Variants in FRYL observed in about 807,000 individuals in gnomAD.
FRYL encodes the protein protein furry homolog-like.
FRYL carries 150 observed loss-of-function variants against 351.2 expected under a neutral mutation model. That is an observed-to-expected ratio of 0.43 (90% CI 0.37 to 0.49). The LOEUF (loss-of-function observed/expected upper bound fraction) is 0.49, where lower values mean the gene tolerates loss of function less well. Ranked by LOEUF, FRYL falls within the 20% of genes least tolerant of loss-of-function variation. The pLI is 0.00. For synonymous variants in FRYL, 1,153 were observed against 1,257.1 expected (o/e 0.92, Z 1.75); for missense variants, 3,036 against 3,619.3 (o/e 0.84, Z 4.13).
chr4:48,710,783 A>C (rs1767908232), intron 1 of FRYL, 85 bp from the exon 2 acceptor site: 2 of 391,498 alleles, frequency 5.1e-6, no homozygotes, highest in South Asian at 1.4e-4. Flanking sequence ...TCCGTATATC[A>C]CTAATCAAAA....
intron 50 of FRYL, 58 bp downstream of exon 50, chr4:48,531,098 T>C: frequency 9.0e-7 from 1 of 1,107,826 alleles, no homozygotes; most frequent in Non-Finnish European, 1.4e-6. Flanking sequence ...AAAGAATGAA[T>C]AAATAAACAA....
chr4:48,714,364 T>C (rs956936894), intron 1 of FRYL, among the ~76,000 whole-genome samples: 2 of 131,842 alleles, frequency 1.5e-5, no homozygotes, highest in Non-Finnish European at 3.3e-5. Flanking sequence ...ACAAAATTGA[T>C]AGACCGCTAG....
At chr4:48,510,692 A>T (rs1277306402) in intron 58 of FRYL, 143 bp downstream of exon 58, 2 of 692,224 alleles carry the variant, frequency 2.9e-6, no homozygotes, top group South Asian at 1.7e-5. Flanking sequence ...ATATACTAGA[A>T]TTGTAGTTTG....
Position 48,626,162 on chromosome 4 carries a change from C to A in FRYL, c.121-2983G>T, listed in dbSNP as rs561546413. On this transcript the variant is annotated intron_variant, in intron 4 of 63. Coordinates refer to ENST00000358350, the MANE Select transcript of FRYL (RefSeq NM_015030.2). The stretch of plus-strand genomic sequence containing the variant: ...TTTAAAACATTAAAATAACAATATA[C>A]CTCAACAAAAACCAGGAGGTATGGA... Among the ~76,000 whole-genome samples the A allele has an allele frequency of 1.2e-3, 175 of 152,134 alleles. 1 individual carries two copies. Among genetic ancestry groups the A allele is most frequent in the African/African-American group, 4.0e-3 (165 of 41,508 alleles).
intron 1 of FRYL, among the ~76,000 whole-genome samples, chr4:48,728,506 T>C (rs1029908786): frequency 6.6e-6 from 1 of 151,644 alleles, no homozygotes; most frequent in Non-Finnish European, 1.5e-5. Context: ...ATGTCAGATA[T>C]CAAACCAGAT....
rs1393099702 is a variant in FRYL at position 48,550,609 on chromosome 4, G to A, written c.4616C>T (p.Ser1539Phe). Residue 1539 changes from serine to phenylalanine, a missense_variant, in exon 38 of 64, where the codon TCT (serine) becomes TTT (phenylalanine). By Grantham distance (155) the Ser-to-Phe change is radical (BLOSUM62 -2). This residue lies in a region of FRYL where 1,987 missense variants were observed against 2,311.7 expected (regional missense o/e 0.86). Coordinates refer to ENST00000358350, the MANE Select transcript of FRYL (RefSeq NM_015030.2). ...TTTATTACTTTTTTCTTCTTCATAAGATCCTCCAGAGCTGCTACTGTATCG... is the reference window on the plus strand; with the variant it reads ...TTTATTACTTTTTTCTTCTTCATAAAATCCTCCAGAGCTGCTACTGTATCG... ...ESRYSSSSGG[S>F]YEEEKSDSMP... 2 of 1,610,018 alleles carry A rather than the reference G, an allele frequency of 1.2e-6. No homozygotes were observed. Among genetic ancestry groups the A allele is most frequent in the Admixed American group, 3.3e-5 (2 of 59,990 alleles).
intron 1 of FRYL, among the ~76,000 whole-genome samples, chr4:48,733,466 A>C (rs1215867015): frequency 6.6e-6 from 1 of 152,018 alleles, no homozygotes; most frequent in Non-Finnish European, 1.5e-5. Flanking sequence ...AAAAATAAAA[A>C]AAGGAAAAGG....
Position 48,581,520 on chromosome 4 carries a change from G to A in FRYL, c.2072C>T (p.Ala691Val), listed in dbSNP as rs148840944. The A allele has an allele frequency of 3.8e-4, 608 of 1,613,902 alleles. 6 individuals are homozygous for A. The East Asian group carries it at 0.011, about 29-fold the overall frequency. Residue 691 changes from alanine (A) to valine (V), a missense_variant, in exon 21 of 64, where the codon GCG (alanine) becomes GTG (valine). Coordinates refer to ENST00000358350, the MANE Select transcript of FRYL (RefSeq NM_015030.2). ...SNVFHVVEGF[A>V]LVILCSSRPA... The stretch of plus-strand genomic sequence containing the variant: ...TCGACTGCTACAGAGAATGACAAGC[G>A]CAAAGCCTTCAACCACATGGAATAC...
Position 48,708,111 on chromosome 4 carries a change from C to T in FRYL, c.-204+2408G>A, listed in dbSNP as rs148408658. On this transcript the variant is annotated intron_variant, in intron 2 of 63. Coordinates refer to ENST00000358350, the MANE Select transcript of FRYL (RefSeq NM_015030.2). The stretch of plus-strand genomic sequence containing the variant: ...CTGGGATTACAGGTGTGAGCCACCA[C>T]ACCTGGCCTGTATTTCTTTTTAAGA... Among the ~76,000 whole-genome samples the T allele has an allele frequency of 1.3e-3, 196 of 151,928 alleles. 2 individuals carry two copies. In the East Asian group the frequency reaches 0.034, roughly 27 times the overall value.
intron 3 of FRYL, among the ~76,000 whole-genome samples, chr4:48,663,027 C>T (rs955437448): frequency 3.0e-4 from 46 of 152,116 alleles, no homozygotes; most frequent in African/African-American, 1.1e-3. Flanking sequence ...TGAATCTATA[C>T]AAATGAATGA....
At chr4:48,763,123 A>AC (rs1417398412) in intron 1 of FRYL, among the ~76,000 whole-genome samples, 12 of 151,172 alleles carry the variant, frequency 7.9e-5, no homozygotes, top group Admixed American at 2.0e-4. Flanking sequence ...AAAAAAAAAA[A>AC]AAAAAAGATA....
At chr4:48,516,353 T>C (rs1051125946) in intron 55 of FRYL, among the ~76,000 whole-genome samples, 2 of 152,202 alleles carry the variant, frequency 1.3e-5, no homozygotes, top group African/African-American at 4.8e-5. Context: ...GAGATATTGG[T>C]TGAATGAGCT....
At chr4:48,776,837 TG>T (rs1454420537) in intron 1 of FRYL, among the ~76,000 whole-genome samples, 3 of 152,220 alleles carry the variant, frequency 2.0e-5, no homozygotes, top group Non-Finnish European at 4.4e-5. Flanking sequence ...TATTAAAAAA[TG>T]TATTTAAAAA....
chr4:48,675,028 C>T (rs1763350344), intron 3 of FRYL, among the ~76,000 whole-genome samples: 1 of 152,162 alleles, frequency 6.6e-6, no homozygotes, highest in Non-Finnish European at 1.5e-5. Context: ...TCAGCTATGA[C>T]TTCAAGTTTC....
At chr4:48,772,724 C>T (rs1490668177) in intron 1 of FRYL, among the ~76,000 whole-genome samples, 1 of 130,882 alleles carries the variant, frequency 7.6e-6, no homozygotes, top group Non-Finnish European at 1.6e-5. Context: ...AACAAGAATT[C>T]TGAGAAGTGG....
intron 27 of FRYL, 125 bp downstream of exon 27, chr4:48,570,702 C>T: frequency 1.6e-6 from 1 of 609,372 alleles, no homozygotes; most frequent in African/African-American, 1.9e-5. Context: ...ATAATTTTCA[C>T]AGTGATACAT....
chr4:48,744,794 G>A (rs763205871), intron 1 of FRYL, among the ~76,000 whole-genome samples: 110 of 151,996 alleles, frequency 7.2e-4, no homozygotes, highest in African/African-American at 9.7e-5. Context: ...CCATATTTGC[G>A]CTATTTGCAA....
chr4:48,608,618 C>T (rs548601970), intron 9 of FRYL, among the ~76,000 whole-genome samples: 6 of 152,166 alleles, frequency 3.9e-5, no homozygotes, highest in South Asian at 2.1e-4. Flanking sequence ...GAAAACACTG[C>T]ATTGCTGAGG....
At chr4:48,526,726 A>G (rs780503179) in intron 53 of FRYL, among the ~76,000 whole-genome samples, 4 of 152,170 alleles carry the variant, frequency 2.6e-5, no homozygotes, top group Non-Finnish European at 4.4e-5. Context: ...ATTCTGGACT[A>G]GTTTTGTGGG....
Sources: allele counts gnomAD v4.1 joint callset (sites outside exome capture counted in the v4.1 genomes callset), GRCh38; gene constraint gnomAD v4.1.1; regional missense constraint gnomAD v4.1.1; transcripts MANE v1.5; gene names NCBI Gene and HGNC (gene_info 2026-07-23, HGNC 2026-07-21).